MGAT4C: variants seen among roughly 807,000 people sequenced by gnomAD.
MGAT4C encodes MGAT4 family member C.
MGAT4C carries 19 observed loss-of-function variants against 40.1 expected under a neutral mutation model. The observed-to-expected ratio is 0.47, with a 90% CI of 0.33 to 0.70. The LOEUF (loss-of-function observed/expected upper bound fraction) is 0.70, where lower values mean the gene tolerates loss of function less well. Among genes scored for constraint, MGAT4C ranks in the 30% least tolerant of loss-of-function variants. The probability of loss-of-function intolerance (pLI) is 0.02; values close to 1 mark genes in which losing one functional copy is unlikely to be tolerated. For synonymous variants in MGAT4C, 181 were observed against 187.1 expected (o/e 0.97, Z 0.27); for missense variants, 491 against 563.2 (o/e 0.87, Z 1.30).
chr12:86,177,135 T>A (rs1887539356), intron 1 of MGAT4C, among the ~76,000 whole-genome samples: 1 of 151,964 alleles, frequency 6.6e-6, no homozygotes, highest in Admixed American at 6.6e-5. Context: ...CAAGAAACAT[T>A]TATGCTAAGT....
At chr12:86,473,295 G>T (rs150887805) in intron 2 of MGAT4C, among the ~76,000 whole-genome samples, 1 of 152,216 alleles carries the variant, frequency 6.6e-6, no homozygotes, top group East Asian at 1.9e-4. Context: ...GGAATGGAGA[G>T]CAATCACCAA....
intron 2 of MGAT4C, among the ~76,000 whole-genome samples, chr12:86,039,845 G>T (rs373072634): frequency 6.6e-6 from 1 of 152,022 alleles, no homozygotes. Context: ...TTGGTTTTTC[G>T]CTTTCTTTGT....
chr12:86,345,895 C>G, intron 3 of MGAT4C, among the ~76,000 whole-genome samples: 1 of 152,210 alleles, frequency 6.6e-6, no homozygotes, highest in Non-Finnish European at 1.5e-5. Flanking sequence ...TCCTATTTCT[C>G]CACATCCTCT....
chr12:86,165,706 T>C (rs1886115596), intron 1 of MGAT4C, among the ~76,000 whole-genome samples: 1 of 152,170 alleles, frequency 6.6e-6, no homozygotes, highest in Non-Finnish European at 1.5e-5. Flanking sequence ...AACGATGATA[T>C]AAATGAGAGA....
intron 3 of MGAT4C, among the ~76,000 whole-genome samples, chr12:86,426,729 C>T (rs1429012255): frequency 1.3e-5 from 2 of 152,112 alleles, no homozygotes; most frequent in African/African-American, 2.4e-5. Flanking sequence ...GGGCGGATCA[C>T]GAGGTCAGGA....
At chr12:86,018,618 T>A (rs1889334420) in intron 2 of MGAT4C, among the ~76,000 whole-genome samples, 1 of 152,224 alleles carries the variant, frequency 6.6e-6, no homozygotes, top group South Asian at 2.1e-4. Context: ...AACATCATTA[T>A]AATTACATTG....
chr12:86,494,270 A>T (rs1345253991), intron 2 of MGAT4C, among the ~76,000 whole-genome samples: 1 of 152,020 alleles, frequency 6.6e-6, no homozygotes, highest in African/African-American at 2.4e-5. Context: ...ATTTATTGTT[A>T]CTGTTTATAT....
chr12:86,001,563 A>G (rs937408642), intron 2 of MGAT4C: 2 of 881,494 alleles, frequency 2.3e-6, no homozygotes, highest in African/African-American at 3.6e-5. Context: ...CTCCTGAGCC[A>G]GTGCTCCAAA....
chr12:86,485,446 T>C (rs1339015951), intron 2 of MGAT4C, among the ~76,000 whole-genome samples: 1 of 152,142 alleles, frequency 6.6e-6, no homozygotes, highest in African/African-American at 2.4e-5. Flanking sequence ...ATATAGCCTG[T>C]AGCATAAATA....
rs1191995097 is a variant in MGAT4C, at chr12:85,968,934, A to T, written c.*10355T>A. 6.6e-6 allele frequency: 1 copy of T among 151,872 alleles called. No individual in the cohort carries two copies. Among genetic ancestry groups the T allele is most frequent in the Non-Finnish European group, 1.5e-5 (1 of 67,792 alleles). The allele number at this position is 151,872 out of a possible 1,614,324, so 9.4% of individuals were successfully genotyped here. The stretch of plus-strand genomic sequence containing the variant: ...AGTTTTGATACATCACTTAACTCAA[A>T]CTTTGAGATTCTTCATCACTGAAGT... On this transcript the variant is annotated 3_prime_UTR_variant, in exon 5 of 5. Coordinates refer to ENST00000611864, the MANE Select transcript of MGAT4C (RefSeq NM_001351288.2).
chr12:86,574,165 T>C (rs565346477), intron 2 of MGAT4C, among the ~76,000 whole-genome samples: 3 of 151,894 alleles, frequency 2.0e-5, no homozygotes, highest in East Asian at 3.9e-4. Context: ...ATGGTATGGA[T>C]ATCTATGCAT....
At chr12:86,533,204 A>G (rs1159393712) in intron 2 of MGAT4C, among the ~76,000 whole-genome samples, 5 of 152,054 alleles carry the variant, frequency 3.3e-5, no homozygotes, top group Non-Finnish European at 7.4e-5. Context: ...GTCAGCCACA[A>G]ACCGTTCAGA....
intron 1 of MGAT4C, among the ~76,000 whole-genome samples, chr12:86,107,936 A>G (rs1411988015): frequency 6.6e-6 from 1 of 152,118 alleles, no homozygotes; most frequent in Non-Finnish European, 1.5e-5. Context: ...ATATTAAATA[A>G]ATTTATTATA....
intron 1 of MGAT4C, among the ~76,000 whole-genome samples, chr12:86,760,171 A>C (rs1356914371): frequency 6.6e-6 from 1 of 152,144 alleles, no homozygotes; most frequent in East Asian, 1.9e-4. Flanking sequence ...CAGTGGGGAA[A>C]AGACAGCCTC....
chr12:86,399,425 G>A (rs1956317196), intron 3 of MGAT4C, among the ~76,000 whole-genome samples: 1 of 151,812 alleles, frequency 6.6e-6, no homozygotes, highest in South Asian at 2.1e-4. Context: ...GGGACTACAG[G>A]CGCCCGCCAC....
At chr12:86,069,082 CA>C (rs1894837375) in intron 1 of MGAT4C, among the ~76,000 whole-genome samples, 1 of 151,458 alleles carries the variant, frequency 6.6e-6, no homozygotes, top group South Asian at 2.1e-4. Context: ...GCGGTGCCCT[CA>C]GGGATGAAAA....
intron 1 of MGAT4C, among the ~76,000 whole-genome samples, chr12:86,804,691 TC>T (rs1198023756): frequency 1.3e-5 from 2 of 152,006 alleles, no homozygotes; most frequent in Non-Finnish European, 2.9e-5. Flanking sequence ...AATTTCTAAG[TC>T]AAATTGTTAA....
Position 86,627,096 on chromosome 12 carries a change from C to A in MGAT4C, c.-229+100113G>T, listed in dbSNP as rs59126740. Among the ~76,000 whole-genome samples, 454 of 152,300 alleles carry A rather than the reference C, an allele frequency of 3.0e-3. 2 individuals carry two copies. The highest frequency in any genetic ancestry group is 0.01 in the African/African-American group (433 of 41,562). On this transcript the variant is annotated intron_variant, in intron 2 of 7. Transcript: ENST00000548651. ...CATGCATGGCTCAGCTGGTCCCATG[C>A]CCACAGAGCCTTGCTCACTTGCTAG...
intron 2 of MGAT4C, among the ~76,000 whole-genome samples, chr12:86,457,341 G>A (rs2136292219): frequency 6.6e-6 from 1 of 152,118 alleles, no homozygotes; most frequent in East Asian, 1.9e-4. Flanking sequence ...GAGGCAGAAT[G>A]CAAATTAATA....
Sources: allele counts gnomAD v4.1 joint callset (sites outside exome capture counted in the v4.1 genomes callset), GRCh38; gene constraint gnomAD v4.1.1; transcripts MANE v1.5; gene names NCBI Gene and HGNC (gene_info 2026-07-23, HGNC 2026-07-21).